DACH1: variants seen among roughly 807,000 people sequenced by gnomAD.
The protein encoded by DACH1 is dachshund family transcription factor 1, also known as dachshund homolog 1.
A neutral mutation model predicts 54.2 loss-of-function variants in DACH1; 12 were observed. That is an observed-to-expected ratio of 0.22 (90% confidence interval 0.14 to 0.36). The LOEUF is 0.36. Ranked by LOEUF, DACH1 falls within the 10% of genes least tolerant of loss-of-function variation. The pLI is 1.00. For missense variants in DACH1, 805 were observed against 929.8 expected (o/e 0.87, Z 1.75); for synonymous variants, 386 against 366.2 (o/e 1.05, Z -0.62).
At chr13:71,593,639 T>G (rs1237366410) in intron 3 of DACH1, among the ~76,000 whole-genome samples, 1 of 152,108 alleles carries the variant, frequency 6.6e-6, no homozygotes, top group Non-Finnish European at 1.5e-5. Flanking sequence ...AAAATGCTGT[T>G]GAGTGGGAAT....
chr13:71,785,424 A>AC (rs1886551581), intron 1 of DACH1, among the ~76,000 whole-genome samples: 1 of 152,204 alleles, frequency 6.6e-6, no homozygotes, highest in Non-Finnish European at 1.5e-5. Flanking sequence ...TATATTATGC[A>AC]TTTAAGTTAG....
chr13:71,674,666 CA>C (rs1880435859), intron 2 of DACH1, among the ~76,000 whole-genome samples: 1 of 152,190 alleles, frequency 6.6e-6, no homozygotes, highest in East Asian at 1.9e-4. Context: ...TCGCAACCTC[CA>C]TAACTCTGCA....
intron 1 of DACH1, among the ~76,000 whole-genome samples, chr13:71,809,483 A>G (rs1233755028): frequency 6.6e-6 from 1 of 152,168 alleles, no homozygotes; most frequent in African/African-American, 2.4e-5. Context: ...GAATCTTTTA[A>G]TAGTGTTTAA....
chr13:71,482,230 T>C (rs547479435), intron 7 of DACH1, among the ~76,000 whole-genome samples: 165 of 152,248 alleles, frequency 1.1e-3, no homozygotes, highest in African/African-American at 3.9e-3. Context: ...TTTTAGAGAT[T>C]GAGTTTTTTT....
intron 1 of DACH1, among the ~76,000 whole-genome samples, chr13:71,819,390 C>T (rs150322287): frequency 2.0e-3 from 304 of 152,306 alleles, no homozygotes; most frequent in Non-Finnish European, 3.3e-3. Context: ...GGGGCAAAGA[C>T]GCAGTGTGGA....
Position 71,529,871 on chromosome 13 carries a change from T to C in DACH1, c.1570+27153A>G, listed in dbSNP as rs183000666. On this transcript the variant is annotated intron_variant, in intron 6 of 10. Coordinates refer to ENST00000613252, the MANE Select transcript of DACH1 (RefSeq NM_080759.6). Reference sequence around the variant, plus strand: ...CAAACATTTTGGGAAATAGTATTTTTAGGAAAATGGCCATTAGAGTGTAAG... The same window carrying C: ...CAAACATTTTGGGAAATAGTATTTTCAGGAAAATGGCCATTAGAGTGTAAG... Among the ~76,000 whole-genome samples the C allele has an allele frequency of 8.4e-4, 128 of 152,292 alleles. 1 individual carries two copies. Among genetic ancestry groups the C allele is most frequent in the African/African-American group, 3.0e-3 (125 of 41,572 alleles).
intron 1 of DACH1, among the ~76,000 whole-genome samples, chr13:71,816,161 A>T (rs1418298728): frequency 1.3e-5 from 2 of 152,244 alleles, no homozygotes; most frequent in Admixed American, 6.5e-5. Flanking sequence ...CAAAATTTTT[A>T]AAACAGCTAA....
At chr13:71,709,713 T>G (rs1222443770) in intron 1 of DACH1, among the ~76,000 whole-genome samples, 2 of 152,196 alleles carry the variant, frequency 1.3e-5, no homozygotes, top group Non-Finnish European at 2.9e-5. Context: ...ATTATAAGTA[T>G]GCACATATAG....
chr13:71,641,735 C>A (rs542637416), intron 2 of DACH1, among the ~76,000 whole-genome samples: 1 of 152,118 alleles, frequency 6.6e-6, no homozygotes, highest in South Asian at 2.1e-4. Context: ...CTTATCTTGG[C>A]ACAATTTCAT....
intron 6 of DACH1, among the ~76,000 whole-genome samples, chr13:71,528,047 T>A (rs1401051290): frequency 2.6e-5 from 4 of 152,198 alleles, no homozygotes; most frequent in Admixed American, 6.5e-5. Context: ...TCCATGAGAT[T>A]TTTGTGAATG....
intron 3 of DACH1, among the ~76,000 whole-genome samples, chr13:71,593,667 A>G (rs760463777): frequency 4.5e-4 from 69 of 152,232 alleles, no homozygotes; most frequent in Admixed American, 9.8e-4. Context: ...AGAAAAAGAA[A>G]ATAGCAAGAT....
At chr13:71,695,631 T>G (rs1206651280) in intron 1 of DACH1, among the ~76,000 whole-genome samples, 1 of 152,052 alleles carries the variant, frequency 6.6e-6, no homozygotes, top group Non-Finnish European at 1.5e-5. Context: ...AAATGATGAG[T>G]GTGTCCAGGC....
In DACH1 at chr13:71,483,038, G is replaced by C. The variant is rs1274499336; in HGVS notation, c.1723-3722C>G. ...GGATGATTTCAAACCCCTTACCTCAGGCGATCCACCCACCTCAGCATCCCA... is the reference window on the plus strand; with the variant it reads ...GGATGATTTCAAACCCCTTACCTCACGCGATCCACCCACCTCAGCATCCCA... On this transcript the variant is annotated intron_variant, in intron 7 of 10. Coordinates refer to ENST00000613252, the MANE Select transcript of DACH1 (RefSeq NM_080759.6). Among the ~76,000 whole-genome samples, 3 of 151,728 alleles carry C rather than the reference G, an allele frequency of 2.0e-5. No homozygotes were observed. In the East Asian group the frequency reaches 5.8e-4, roughly 29 times the overall value.
chr13:71,842,689 G>A (rs1444123331), intron 1 of DACH1, among the ~76,000 whole-genome samples: 1 of 151,542 alleles, frequency 6.6e-6, no homozygotes, highest in Non-Finnish European at 1.5e-5. Flanking sequence ...GATGGTAAAG[G>A]ATTATGGGGA....
At chr13:71,790,329 A>T (rs1210694000) in intron 1 of DACH1, among the ~76,000 whole-genome samples, 2 of 152,198 alleles carry the variant, frequency 1.3e-5, no homozygotes, top group African/African-American at 2.4e-5. Flanking sequence ...TAACTGAAGC[A>T]TCTCTAGAAG....
chr13:71,559,924 G>C lies in DACH1; in HGVS notation c.1331C>G (p.Pro444Arg), dbSNP rs1197833458. 1.9e-6 allele frequency: 3 copies of C among 1,603,068 alleles called. No individual in the cohort carries two copies. The highest frequency in any genetic ancestry group is 2.6e-6 in the Non-Finnish European group (3 of 1,174,874). The change falls in exon 5 of 11, where the codon CCC (proline) becomes CGC (arginine). Residue 444 changes from proline (P) to arginine (R), a missense_variant. Pro to Arg is a moderately radical substitution (Grantham distance 103, BLOSUM62 -2). This residue lies in a region of DACH1 where 472 missense variants were observed against 545.3 expected (regional missense o/e 0.87). Transcript: ENST00000613252. ...AGGCCTTCTCCCCTCCTCCAGAGAGGGGGCAGGTGAGGGGCTATCAGGAAC... is the reference window on the plus strand; with the variant it reads ...AGGCCTTCTCCCCTCCTCCAGAGAGCGGGCAGGTGAGGGGCTATCAGGAAC... ...ERVPDSPSPA[P>R]SLEEGRRPGS...
chr13:71,790,461 C>T lies in DACH1; in HGVS notation c.848+75461G>A, dbSNP rs1351573663. Among the ~76,000 whole-genome samples, 7 of 152,158 alleles carry T rather than the reference C, an allele frequency of 4.6e-5. No homozygotes were observed. In the South Asian group the frequency reaches 1.0e-3, roughly 23 times the overall value. On this transcript the variant is annotated intron_variant, in intron 1 of 10. Coordinates refer to ENST00000613252, the MANE Select transcript of DACH1 (RefSeq NM_080759.6). ...TTTGATGACTTGACTTAGAGTTTCA[C>T]GTTTTGGCCTTTGGCATAATGCAGG...
chr13:71,600,579 A>G (rs975660376), intron 3 of DACH1, among the ~76,000 whole-genome samples: 7 of 152,052 alleles, frequency 4.6e-5, no homozygotes, highest in Non-Finnish European at 8.8e-5. Context: ...ATCATTTTAT[A>G]TATAAAATAG....
At chr13:71,785,758 C>G (rs950879949) in intron 1 of DACH1, among the ~76,000 whole-genome samples, 1 of 152,178 alleles carries the variant, frequency 6.6e-6, no homozygotes, top group Middle Eastern at 3.2e-3. Context: ...CTTTTTCCAC[C>G]CAGCATCTTT....
Sources: gnomAD v4.1 joint callset for allele counts (sites outside exome capture counted in the v4.1 genomes callset) on GRCh38, gnomAD v4.1.1 for gene constraint, gnomAD v4.1.1 regional missense constraint, MANE v1.5 for transcripts, NCBI Gene and HGNC (gene_info 2026-07-23, HGNC 2026-07-21) for gene names.